The following PCID2 variants were observed in gnomAD, a reference collection of about 807,000 sequenced individuals.
The protein encoded by PCID2 is PCI domain-containing protein 2.
PCID2 carries 41 observed loss-of-function variants against 61.3 expected under a neutral mutation model. The observed-to-expected ratio is 0.67, with a 90% CI of 0.52 to 0.87. The LOEUF is 0.87. Among genes scored for constraint, PCID2 ranks in the 40% least tolerant of loss-of-function variants. The pLI is 0.00. For missense variants in PCID2, 392 were observed against 493.4 expected (o/e 0.79, Z 1.95); for synonymous variants, 187 against 177.8 (o/e 1.05, Z -0.41).
chr13:113,169,238 G>A, the PCID2 span, among the ~76,000 whole-genome samples: 4 of 152,170 alleles, frequency 2.6e-5, no homozygotes, highest in Admixed American at 6.5e-5. Flanking sequence ...TGTCTAATCT[G>A]CCATTCATCC....
rs186452329 is a variant in PCID2 at position 113,189,502 on chromosome 13, T to G, written c.467+1370A>C. ...CAATAGTTTTTTGTTTATTTATATATGGATACCTTTGATAATCTTTCTTTG... is the reference window on the plus strand; with the variant it reads ...CAATAGTTTTTTGTTTATTTATATAGGGATACCTTTGATAATCTTTCTTTG... On this transcript the variant is annotated intron_variant, in intron 7 of 13. Coordinates refer to ENST00000337344, the MANE Select transcript of PCID2 (RefSeq NM_001127202.4). Among the ~76,000 whole-genome samples, 3 of 152,318 alleles carry G rather than the reference T, an allele frequency of 2.0e-5. No individual in the cohort carries two copies. The East Asian group carries it at 5.8e-4, about 29-fold the overall frequency.
chr13:113,172,240 C>T, the PCID2 span: 14 of 1,279,568 alleles, frequency 1.1e-5, no homozygotes, highest in Admixed American at 4.0e-5. Flanking sequence ...GCTTGGCCCA[C>T]GCAGCAGCAG....
Position 113,177,807 on chromosome 13 carries a change from A to ATGT in PCID2, c.*390_*391insACA, listed in dbSNP as rs2037244619. ...AAAATAGATGTATCCTGGAAGATAT[A>ATGT]ATGAAGAACATGCCATGTGTATAAA... On this transcript the variant is annotated 3_prime_UTR_variant, in exon 14 of 14. Transcript: ENST00000337344. 1 of 156,780 alleles carries ATGT rather than the reference A, an allele frequency of 6.4e-6. No homozygotes were observed. Among genetic ancestry groups the ATGT allele is most frequent in the African/African-American group, 2.4e-5 (1 of 41,512 alleles). 9.7% of individuals were successfully genotyped at this position (156,780 alleles called of 1,614,324 possible). A position where few individuals can be genotyped will look rare whatever the true frequency, so the allele number is the denominator to read the frequency against.
chr13:113,170,664 GAT>G, the PCID2 span: 8 of 666,980 alleles, frequency 1.2e-5, no homozygotes, highest in Non-Finnish European at 2.1e-5. Flanking sequence ...ATAAAACTGA[GAT>G]ACTTATCAAC....
At chr13:113,197,292 A>G in intron 3 of PCID2, 49 bp from the exon 4 acceptor site, 1 of 1,326,424 alleles carries the variant, frequency 7.5e-7, no homozygotes, top group Non-Finnish European at 1.1e-6. Context: ...ACCTAGCACT[A>G]GTTATGCAGC....
At chr13:113,182,489 C>CA (rs112810939) in intron 9 of PCID2, among the ~76,000 whole-genome samples, 2 of 152,262 alleles carry the variant, frequency 1.3e-5, no homozygotes, top group African/African-American at 4.8e-5. Flanking sequence ...CCTGGATGTA[C>CA]AAAAAATGCA....
At chr13:113,195,596 G>C (rs2038954183) in intron 5 of PCID2, among the ~76,000 whole-genome samples, 1 of 152,044 alleles carries the variant, frequency 6.6e-6, no homozygotes, top group African/African-American at 2.4e-5. Flanking sequence ...GGTGGCGGGA[G>C]GCAGAGGCTG....
the PCID2 span, chr13:113,165,112 C>T: frequency 6.2e-7 from 1 of 1,611,816 alleles, no homozygotes; most frequent in African/African-American, 1.3e-5. Context: ...ACAGGACCTC[C>T]CGTGGCAGGT....
chr13:113,208,620 G>T lies in PCID2; in HGVS notation c.15C>A (p.Thr5=). MAHI[T]INQYLQQVYE... ...CCACCTGCTGCAGGTACTGGTTAATGGTAATGTGCGCCATGGGAGCGCCGC... is the reference window on the plus strand; with the variant it reads ...CCACCTGCTGCAGGTACTGGTTAATTGTAATGTGCGCCATGGGAGCGCCGC... The change falls in exon 1 of 14, where the codon ACC becomes ACA. Residue 5 remains threonine, a synonymous_variant. Transcript: ENST00000337344. 2 of 1,608,044 alleles carry T rather than the reference G, an allele frequency of 1.2e-6. No individual in the cohort carries two copies. Among genetic ancestry groups the T allele is most frequent in the East Asian group, 4.5e-5 (2 of 44,468 alleles).
chr13:113,181,200 T>A lies in PCID2; in HGVS notation c.716A>T (p.His239Leu). Residue 239 changes from histidine to leucine, a missense_variant, in exon 10 of 14, where the codon CAT (histidine) becomes CTT (leucine). By Grantham distance (99) the His-to-Leu change is moderately conservative. Coordinates refer to ENST00000337344, the MANE Select transcript of PCID2 (RefSeq NM_001127202.4). ...AEEYLSFAFE[H>L]CHRSSQKNKR... ...GTTCTTCTGACTAGAACGGTGACAATGCTCAAAGGCAAATGACAGGTACTC... is the reference window on the plus strand; with the variant it reads ...GTTCTTCTGACTAGAACGGTGACAAAGCTCAAAGGCAAATGACAGGTACTC... The A allele has an allele frequency of 6.2e-7, 1 of 1,613,812 alleles. No homozygotes were observed. Among genetic ancestry groups the A allele is most frequent in the Non-Finnish European group, 8.5e-7 (1 of 1,179,748 alleles).
chr13:113,172,085 T>A, the PCID2 span: 6 of 1,612,696 alleles, frequency 3.7e-6, no homozygotes, highest in African/African-American at 8.0e-5. Flanking sequence ...CTCACTCTGG[T>A]TTAAACAGAT....
downstream of PCID2, among the ~76,000 whole-genome samples, chr13:113,175,588 C>T (rs145627872): frequency 1.9e-3 from 284 of 152,294 alleles, 1 homozygote; most frequent in African/African-American, 6.5e-3. Context: ...AAAACAGATG[C>T]GCGCCCAAAG....
intron 13 of PCID2, 60 bp from the exon 14 acceptor site, chr13:113,178,347 G>C: frequency 8.0e-7 from 1 of 1,248,660 alleles, no homozygotes; most frequent in South Asian, 1.2e-5. Context: ...TGTCAAAGAT[G>C]CTGGGTGATC....
intron 9 of PCID2, among the ~76,000 whole-genome samples, chr13:113,181,530 C>G (rs1159331976): frequency 2.0e-5 from 3 of 152,164 alleles, no homozygotes; most frequent in Non-Finnish European, 4.4e-5. Context: ...ATTATGATAA[C>G]ATTTTAAAAG....
intron 2 of PCID2, among the ~76,000 whole-genome samples, chr13:113,199,419 C>A (rs1194510666): frequency 6.6e-6 from 1 of 152,234 alleles, no homozygotes; most frequent in Non-Finnish European, 1.5e-5. Context: ...TATAAGCACA[C>A]TGCGTTTTTT....
the PCID2 span, chr13:113,171,693 T>G: frequency 8.1e-6 from 13 of 1,613,804 alleles, no homozygotes; most frequent in Non-Finnish European, 1.1e-5. The surrounding 1 kb of genome is among the most constrained non-coding windows in gnomAD (Gnocchi z 5.1). Context: ...GACCTGTCAC[T>G]GCTGGAGCTG....
At chr13:113,184,860 G>A (rs2037962455) in intron 8 of PCID2, among the ~76,000 whole-genome samples, 2 of 151,540 alleles carry the variant, frequency 1.3e-5, no homozygotes, top group Non-Finnish European at 2.9e-5. Flanking sequence ...TGTGCTAGTG[G>A]AGGCTCTGCG....
the PCID2 span, among the ~76,000 whole-genome samples, chr13:113,167,474 A>C: frequency 1.3e-5 from 2 of 152,220 alleles, no homozygotes; most frequent in African/African-American, 2.4e-5. Context: ...CTATGTGGGC[A>C]CATGCTTTAT....
chr13:113,168,220 T>C, the PCID2 span, among the ~76,000 whole-genome samples: 1 of 152,234 alleles, frequency 6.6e-6, no homozygotes, highest in African/African-American at 2.4e-5. Flanking sequence ...GGAATGCGGA[T>C]AAATATTTAA....
Sources: allele counts gnomAD v4.1 joint callset (sites outside exome capture counted in the v4.1 genomes callset), GRCh38; gene constraint gnomAD v4.1.1; non-coding constraint Gnocchi (gnomAD v3.1); transcripts MANE v1.5; gene names NCBI Gene and HGNC (gene_info 2026-07-23, HGNC 2026-07-21).